The following ANKRD11 variants were observed in gnomAD, a reference collection of about 807,000 sequenced individuals.
ANKRD11 encodes the protein ankyrin repeat domain-containing protein 11.
A neutral mutation model predicts 195.7 loss-of-function variants in ANKRD11; 17 were observed. That is an observed-to-expected ratio of 0.09 (90% CI 0.06 to 0.13). ANKRD11 has a LOEUF of 0.13. Among genes scored for constraint, ANKRD11 ranks in the 10% least tolerant of loss-of-function variants. The pLI is 1.00. For synonymous variants in ANKRD11, 1,953 were observed against 1,528.1 expected (o/e 1.28, Z -6.49); for missense variants, 3,735 against 3,566.1 (o/e 1.05, Z -1.21).
intron 2 of ANKRD11, among the ~76,000 whole-genome samples, chr16:89,322,669 G>A (rs1024127533): frequency 6.6e-6 from 1 of 150,708 alleles, no homozygotes; most frequent in Non-Finnish European, 1.5e-5. Context: ...CCTTGAGGGG[G>A]ACACTGGGGA....
intron 1 of ANKRD11, among the ~76,000 whole-genome samples, chr16:89,433,038 C>T (rs930581321): frequency 3.0e-4 from 45 of 151,304 alleles, no homozygotes; most frequent in African/African-American, 1.1e-3. Flanking sequence ...TGGACACAGG[C>T]CACATTATAT....
At chr16:89,351,415 A>G (rs1597747095) in intron 2 of ANKRD11, among the ~76,000 whole-genome samples, 1 of 152,096 alleles carries the variant, frequency 6.6e-6, no homozygotes, top group Admixed American at 6.6e-5. Flanking sequence ...TTCACCACAC[A>G]CCCTCCACTA....
rs184309313 is a variant in ANKRD11, at chr16:89,347,468, G to A, written c.-59-30390C>T. Among the ~76,000 whole-genome samples the A allele has an allele frequency of 4.6e-3, 700 of 152,126 alleles. 36 individuals carry two copies. Among genetic ancestry groups the A allele is most frequent in the Admixed American group, 0.042 (643 of 15,292 alleles). On this transcript the variant is annotated intron_variant, in intron 2 of 12. Coordinates refer to ENST00000301030, the MANE Select transcript of ANKRD11 (RefSeq NM_013275.6). ...ACTAAAAAATACAAAAAAATTAGCC[G>A]GGCGTGGTGGCAGGCGCCGGTAGTC... is the stretch of plus-strand genomic sequence containing the variant.
chr16:89,289,046 G>T (rs2034850003), intron 6 of ANKRD11: 2 of 325,906 alleles, frequency 6.1e-6, no homozygotes, highest in Admixed American at 4.6e-5. Context: ...AACCTCCCGT[G>T]TCGGAAACGG....
intron 1 of ANKRD11, among the ~76,000 whole-genome samples, chr16:89,422,633 G>T (rs1276649414): frequency 6.6e-6 from 1 of 152,188 alleles, no homozygotes; most frequent in Non-Finnish European, 1.5e-5. Flanking sequence ...CATGAGAGCT[G>T]CTTTACTCAC....
chr16:89,279,952 G>C lies in ANKRD11; in HGVS notation c.6590C>G (p.Thr2197Ser). The change falls in exon 9 of 13, where the codon ACC (threonine) becomes AGC (serine). Residue 2197 changes from threonine (T) to serine (S), a missense_variant. Physicochemically the swap from Thr to Ser is moderately conservative, Grantham distance 58. Coordinates refer to ENST00000301030, the MANE Select transcript of ANKRD11 (RefSeq NM_013275.6). The surrounding 1 kb of genome is among the most constrained non-coding windows in gnomAD (Gnocchi z 5.6). Reference sequence around the variant, plus strand: ...AGGCTCGAGCTCTGCAGGGAGCCGGGTGGAGGCCTGGTCAGGAGGCAGTGC... The same window carrying C: ...AGGCTCGAGCTCTGCAGGGAGCCGGCTGGAGGCCTGGTCAGGAGGCAGTGC... Reference protein sequence around the residue: ...PPALPPDQASTRLPAELEPEP... With the variant: ...PPALPPDQASSRLPAELEPEP... The C allele has an allele frequency of 6.2e-7, 1 of 1,610,332 alleles. No homozygotes were observed. Among genetic ancestry groups the C allele is most frequent in the Non-Finnish European group, 8.5e-7 (1 of 1,179,888 alleles).
At chr16:89,443,027 C>T (rs891367404) in intron 1 of ANKRD11, among the ~76,000 whole-genome samples, 1 of 152,192 alleles carries the variant, frequency 6.6e-6, no homozygotes, top group Non-Finnish European at 1.5e-5. Flanking sequence ...GAATCTCGCT[C>T]TGTCATCCAG....
chr16:89,446,257 G>C (rs2043787284), intron 1 of ANKRD11, among the ~76,000 whole-genome samples: 1 of 152,156 alleles, frequency 6.6e-6, no homozygotes, highest in African/African-American at 2.4e-5. Context: ...CTTCTAATAT[G>C]AAAACAGATG....
intron 1 of ANKRD11, among the ~76,000 whole-genome samples, chr16:89,423,979 C>T (rs991244309): frequency 5.9e-5 from 9 of 151,950 alleles, no homozygotes; most frequent in African/African-American, 1.7e-4. Context: ...GGTAAGGGGA[C>T]GGCGTACAAC....
intron 2 of ANKRD11, among the ~76,000 whole-genome samples, chr16:89,412,757 A>C (rs1005594039): frequency 6.6e-6 from 1 of 152,232 alleles, no homozygotes; most frequent in Non-Finnish European, 1.5e-5. Context: ...TATTAAAAAA[A>C]TAAAACACTG....
chr16:89,462,506 A>G (rs919890159), intron 1 of ANKRD11, among the ~76,000 whole-genome samples: 5 of 151,988 alleles, frequency 3.3e-5, no homozygotes, highest in African/African-American at 1.2e-4. Context: ...CTGGGAAGTG[A>G]GGAGCGTCTC....
In ANKRD11 at chr16:89,274,949, C is replaced by G; in HGVS notation, c.7578G>C (p.Leu2526=). 1.2e-6 allele frequency: 2 copies of G among 1,613,430 alleles called. No individual in the cohort carries two copies. The highest frequency in any genetic ancestry group is 1.7e-6 in the Non-Finnish European group (2 of 1,180,022). ...RLQHSIEREK[L]IVSCEQEILR... ...GAATCTCCTGCTCACAGGATACGAT[C>G]AGCTTCTCCTGAAGGAGGAGAGGAG... is the stretch of plus-strand genomic sequence containing the variant. The change falls in exon 11 of 13, where the codon CTG becomes CTC. Residue 2526 remains leucine, a synonymous_variant. Coordinates refer to ENST00000301030, the MANE Select transcript of ANKRD11 (RefSeq NM_013275.6).
chr16:89,295,952 G>A (rs1375076186), intron 4 of ANKRD11, among the ~76,000 whole-genome samples: 3 of 145,468 alleles, frequency 2.1e-5, no homozygotes, highest in African/African-American at 5.1e-5. Context: ...GCCTGGGGGT[G>A]CTCTGCAGGG....
chr16:89,464,378 G>A (rs1311501595), intron 1 of ANKRD11, among the ~76,000 whole-genome samples: 2 of 151,970 alleles, frequency 1.3e-5, no homozygotes, highest in Non-Finnish European at 2.9e-5. Context: ...GGAGGCCGAG[G>A]CAGGCAGATC....
intron 2 of ANKRD11, among the ~76,000 whole-genome samples, chr16:89,346,854 C>T (rs117591482): frequency 0.012 from 1,783 of 152,182 alleles, 52 homozygotes; most frequent in Admixed American, 0.055. Context: ...CAAACATAAA[C>T]GAAACAAAAA....
chr16:89,427,753 C>T (rs983811045), intron 1 of ANKRD11, among the ~76,000 whole-genome samples: 12 of 150,980 alleles, frequency 7.9e-5, no homozygotes, highest in Admixed American at 2.6e-4. Flanking sequence ...GAGCTGAGAT[C>T]GTGCCACTAC....
At chr16:89,289,130 C>A (rs2034856724) in intron 6 of ANKRD11, among the ~76,000 whole-genome samples, 2 of 152,186 alleles carry the variant, frequency 1.3e-5, no homozygotes, top group Non-Finnish European at 2.9e-5. Flanking sequence ...CAGGCTCGGG[C>A]TGCACGACGA....
intron 2 of ANKRD11, among the ~76,000 whole-genome samples, chr16:89,360,323 C>T (rs1228931819): frequency 6.6e-6 from 1 of 152,192 alleles, no homozygotes; most frequent in Non-Finnish European, 1.5e-5. Context: ...CCTGAAACTC[C>T]TGGGTTCAGG....
Position 89,281,531 on chromosome 16 carries a change from C to T in ANKRD11, c.5011G>A (p.Ala1671Thr). The part of the protein sequence containing the change: ...PPAAENKLHP[A>T]SGADSKDWLA... ...CAGTCTTTGGAGTCTGCACCTGATG[C>T]TGGGTGTAGCTTATTTTCCGCGGCA... Residue 1671 changes from alanine to threonine, a missense_variant, in exon 9 of 13, where the codon GCA (alanine) becomes ACA (threonine). Coordinates refer to ENST00000301030, the MANE Select transcript of ANKRD11 (RefSeq NM_013275.6). The surrounding 1 kb of genome is among the most constrained non-coding windows in gnomAD (Gnocchi z 5.5). The T allele has an allele frequency of 1.2e-6, 2 of 1,614,222 alleles. No homozygotes were observed. The highest frequency in any genetic ancestry group is 1.7e-5 in the Admixed American group (1 of 60,034).
Sources: allele counts gnomAD v4.1 joint callset (sites outside exome capture counted in the v4.1 genomes callset), GRCh38; gene constraint gnomAD v4.1.1; non-coding constraint Gnocchi (gnomAD v3.1); transcripts MANE v1.5; gene names NCBI Gene and HGNC (gene_info 2026-07-23, HGNC 2026-07-21).